The following SMG6 variants were observed in gnomAD, a reference collection of about 807,000 sequenced individuals.
The protein encoded by SMG6 is telomerase-binding protein EST1A.
A neutral mutation model predicts 142.2 loss-of-function variants in SMG6; 66 were observed. The observed-to-expected ratio is 0.46, with a 90% CI of 0.38 to 0.57. The LOEUF (loss-of-function observed/expected upper bound fraction) is 0.57. SMG6 is among the 20% of genes least tolerant of loss of function. The pLI, the probability that SMG6 is intolerant of heterozygous loss-of-function variation, is 0.00. For missense variants in SMG6, 1,793 were observed against 1,832.0 expected (o/e 0.98, Z 0.39); for synonymous variants, 779 against 702.4 (o/e 1.11, Z -1.72).
intron 13 of SMG6, among the ~76,000 whole-genome samples, chr17:2,157,265 G>C (rs1597487093): frequency 2.6e-5 from 4 of 152,330 alleles, no homozygotes; most frequent in Admixed American, 2.6e-4. Flanking sequence ...ACAGTGACTA[G>C]TGCTGGTAGG....
chr17:2,078,719 G>C (rs946728426), intron 15 of SMG6, among the ~76,000 whole-genome samples: 1 of 152,142 alleles, frequency 6.6e-6, no homozygotes, highest in African/African-American at 2.4e-5. Flanking sequence ...TGAGACTAAG[G>C]AGTAAAAGGA....
intron 12 of SMG6, among the ~76,000 whole-genome samples, chr17:2,180,712 G>A (rs1234930803): frequency 6.6e-6 from 1 of 152,144 alleles, no homozygotes; most frequent in African/African-American, 2.4e-5. Context: ...CATAAGGAAA[G>A]AGGGTAACAA....
intron 8 of SMG6, among the ~76,000 whole-genome samples, chr17:2,275,121 T>C (rs1195108163): frequency 1.3e-5 from 2 of 152,100 alleles, no homozygotes; most frequent in Non-Finnish European, 2.9e-5. Flanking sequence ...TGCTCCTTCC[T>C]ACATATATAA....
At chr17:2,083,517 T>A (rs1227638514) in intron 14 of SMG6, among the ~76,000 whole-genome samples, 1 of 152,206 alleles carries the variant, frequency 6.6e-6, no homozygotes, top group African/African-American at 2.4e-5. Flanking sequence ...ACTGTCACTA[T>A]CCTAAGAGAT....
chr17:2,067,980 G>A (rs1297446186), intron 16 of SMG6, among the ~76,000 whole-genome samples: 1 of 152,270 alleles, frequency 6.6e-6, no homozygotes, highest in East Asian at 1.9e-4. Flanking sequence ...ATGTGCAAAC[G>A]CCTGGGCCTC....
At chr17:2,084,064 G>C (rs1452324996) in intron 14 of SMG6, among the ~76,000 whole-genome samples, 2 of 152,236 alleles carry the variant, frequency 1.3e-5, no homozygotes, top group Admixed American at 6.5e-5. Context: ...TGTGAGGGCA[G>C]AGAAGGCCTT....
rs955555340 is a variant in SMG6 at position 2,303,120 on chromosome 17, C to A, written c.88+513G>T. ...GGCCAAACCCGAGTAGTCTGAGGTCCCGGATCCCTCCAGTGGCGCAGCTTT... is the reference window on the plus strand; with the variant it reads ...GGCCAAACCCGAGTAGTCTGAGGTCACGGATCCCTCCAGTGGCGCAGCTTT... On this transcript the variant is annotated intron_variant, in intron 1 of 18. Transcript: ENST00000263073. 7 of 985,342 alleles carry A rather than the reference C, an allele frequency of 7.1e-6. No homozygotes were observed. The Admixed American group carries it at 1.8e-4, about 26-fold the overall frequency. The allele number at this position is 985,342 out of a possible 1,614,324, so 61.0% of individuals were successfully genotyped here. A position where few individuals can be genotyped will look rare whatever the true frequency, so the allele number is the denominator to read the frequency against.
intron 12 of SMG6, among the ~76,000 whole-genome samples, chr17:2,186,357 G>A (rs1045894163): frequency 1.3e-5 from 2 of 152,076 alleles, no homozygotes; most frequent in African/African-American, 4.8e-5. Flanking sequence ...AGAGGCAGCT[G>A]CAGAGATGGT....
At chr17:2,175,485 T>C (rs1326044553) in intron 12 of SMG6, among the ~76,000 whole-genome samples, 2 of 152,074 alleles carry the variant, frequency 1.3e-5, no homozygotes, top group Non-Finnish European at 2.9e-5. Flanking sequence ...TGGTACCATG[T>C]GGTTCTCATT....
At chr17:2,097,815 C>G (rs1365521954) in intron 13 of SMG6, among the ~76,000 whole-genome samples, 2 of 152,148 alleles carry the variant, frequency 1.3e-5, no homozygotes, top group African/African-American at 4.8e-5. Context: ...CTAAGACTTT[C>G]ACTAAGACTA....
In SMG6 at chr17:2,300,496, G is replaced by A; in HGVS notation, c.257C>T (p.Ala86Val). 1 of 1,614,158 alleles carries A rather than the reference G, an allele frequency of 6.2e-7. No homozygotes were observed. The highest frequency in any genetic ancestry group is 8.5e-7 in the Non-Finnish European group (1 of 1,180,028). ...AACGGGCTGTGTACCATTTTCAACAGCAGAGCAATCTCGGTCATTAACAAT... is the reference window on the plus strand; with the variant it reads ...AACGGGCTGTGTACCATTTTCAACAACAGAGCAATCTCGGTCATTAACAAT... Reference protein sequence around the residue: ...DEIVNDRDCSAVENGTQPVKD... With the variant: ...DEIVNDRDCSVVENGTQPVKD... The change falls in exon 2 of 19, where the codon GCT becomes GTT. Residue 86 changes from alanine (A) to valine (V), a missense_variant. By Grantham distance (64) the Ala-to-Val change is moderately conservative (BLOSUM62 0). Around this residue, in one of 3 missense-constraint regions of SMG6, gnomAD observed 1,597 missense variants for 1,584.6 expected, o/e 1.01. Transcript: ENST00000263073.
At chr17:2,283,471 T>G (rs909281539) in intron 7 of SMG6, among the ~76,000 whole-genome samples, 154 bp downstream of exon 7, 7 of 151,938 alleles carry the variant, frequency 4.6e-5, no homozygotes, top group Non-Finnish European at 8.8e-5. Flanking sequence ...ACACTATGAG[T>G]CATTCCCCGA....
At chr17:2,302,851 G>A (rs1190253179) in intron 1 of SMG6, among the ~76,000 whole-genome samples, 1 of 152,166 alleles carries the variant, frequency 6.6e-6, no homozygotes, top group East Asian at 1.9e-4. Context: ...CTACTTTCTA[G>A]AGCAGCGGGA....
At chr17:2,183,867 A>G (rs2071884557) in intron 12 of SMG6, among the ~76,000 whole-genome samples, 1 of 152,140 alleles carries the variant, frequency 6.6e-6, no homozygotes, top group Non-Finnish European at 1.5e-5. Context: ...ACAGACAGAC[A>G]GACAGGTAGG....
intron 13 of SMG6, among the ~76,000 whole-genome samples, chr17:2,171,360 T>A (rs922746132): frequency 1.4e-5 from 2 of 140,688 alleles, no homozygotes; most frequent in Middle Eastern, 3.6e-3. Flanking sequence ...TGAAAGAGTG[T>A]GTGTGTGTGT....
At chr17:2,089,332 C>T (rs745973128) in intron 13 of SMG6, among the ~76,000 whole-genome samples, 20 of 152,140 alleles carry the variant, frequency 1.3e-4, no homozygotes, top group Non-Finnish European at 2.2e-4. Flanking sequence ...GGGATAGAGG[C>T]GACTAAAAGG....
intron 10 of SMG6, among the ~76,000 whole-genome samples, chr17:2,228,364 G>C (rs917834823): frequency 2.6e-5 from 4 of 152,178 alleles, no homozygotes. Context: ...CAGTAGCTGG[G>C]ATTACAGGCG....
chr17:2,186,938 A>C (rs2072007913), intron 11 of SMG6, 107 bp from the exon 12 acceptor site: 1 of 1,239,080 alleles, frequency 8.1e-7, no homozygotes, highest in Non-Finnish European at 1.1e-6. Flanking sequence ...GACCAAGTCC[A>C]CAGGAAAGAT....
intron 12 of SMG6, among the ~76,000 whole-genome samples, chr17:2,178,265 C>T (rs571361285): frequency 1.3e-5 from 2 of 152,220 alleles, no homozygotes; most frequent in South Asian, 4.2e-4. Flanking sequence ...AATGTGTCAT[C>T]CAGATGCCAC....
Sources: allele counts gnomAD v4.1 joint callset (sites outside exome capture counted in the v4.1 genomes callset), GRCh38; gene constraint gnomAD v4.1.1; regional missense constraint gnomAD v4.1.1; transcripts MANE v1.5; gene names NCBI Gene and HGNC (gene_info 2026-07-23, HGNC 2026-07-21).